The following SHOX variants were observed in gnomAD, a reference collection of about 807,000 sequenced individuals.
SHOX encodes short stature homeobox protein.
SHOX carries 12 observed loss-of-function variants against 29.6 expected under a neutral mutation model. The observed-to-expected ratio is 0.41, with a 90% CI of 0.26 to 0.66. The LOEUF is 0.66. Among genes scored for constraint, SHOX ranks in the 30% least tolerant of loss-of-function variants. The pLI, the probability that SHOX is intolerant of heterozygous loss-of-function variation, is 0.35. For missense variants in SHOX, 499 were observed against 437.7 expected (o/e 1.14, Z -1.25); for synonymous variants, 214 against 200.6 (o/e 1.07, Z -0.57).
Position 630,975 on chromosome X carries a change from C to A in SHOX, c.78C>A (p.Gly26=), listed in dbSNP as rs1174135553. 1 of 1,613,786 alleles carries A rather than the reference C, an allele frequency of 6.2e-7. No homozygotes were observed. Among genetic ancestry groups the A allele is most frequent in the South Asian group, 1.1e-5 (1 of 91,068 alleles). ...SKDGNGGGGG[G]GGKKDSITYR... ...ACGGTAACGGCGGAGGCGGAGGCGG[C>A]GGAGGTAAGAAGGATTCCATTACGT... Residue 26 remains glycine (G), a synonymous_variant, in exon 1 of 5, where the codon GGC becomes GGA. Transcript: ENST00000686671.
intron 4 of SHOX, 48 bp from the exon 5 acceptor site, chrX:644,343 C>T: frequency 6.7e-7 from 1 of 1,500,972 alleles, no homozygotes; most frequent in Non-Finnish European, 8.8e-7. Flanking sequence ...GGAGCAGGCC[C>T]CCCAGTCCCC....
upstream of SHOX, among the ~76,000 whole-genome samples, chrX:629,437 C>T (rs2124149100): frequency 6.6e-6 from 1 of 151,990 alleles, no homozygotes; most frequent in African/African-American, 2.4e-5. Context: ...GTCTCTTTCT[C>T]TGTCTCCATC....
intron 4 of SHOX, among the ~76,000 whole-genome samples, chrX:642,697 C>T (rs767909187): frequency 1.3e-5 from 2 of 152,326 alleles, no homozygotes; most frequent in South Asian, 4.1e-4. Context: ...GCACCGGAGT[C>T]TTGGGGACCT....
rs1569493100 is a variant in SHOX at position 630,856 on chromosome X, G to A, written c.-42G>A. On this transcript the variant is annotated 5_prime_UTR_variant, in exon 1 of 5. Transcript: ENST00000686671. ...GTCCTCTCCGCGCGGGGAGACGCGCGCATCCACCAGCCCCGGCTGCTCGCC... is the reference window on the plus strand; with the variant it reads ...GTCCTCTCCGCGCGGGGAGACGCGCACATCCACCAGCCCCGGCTGCTCGCC... 3 of 1,610,466 alleles carry A rather than the reference G, an allele frequency of 1.9e-6. No homozygotes were observed. The highest frequency in any genetic ancestry group is 2.5e-6 in the Non-Finnish European group (3 of 1,178,744).
At chrX:653,316 C>T (rs1435861018), downstream of SHOX, among the ~76,000 whole-genome samples, 1 of 152,134 alleles carries the variant, frequency 6.6e-6, no homozygotes, top group Non-Finnish European at 1.5e-5. Flanking sequence ...CAAATCCACT[C>T]CTATTGTTTT....
upstream of SHOX, among the ~76,000 whole-genome samples, chrX:627,313 A>ATT (rs2052555788): frequency 6.6e-6 from 1 of 152,082 alleles, no homozygotes; most frequent in African/African-American, 2.4e-5. Context: ...TCTCGTCTGG[A>ATT]TTTCTAACAT....
downstream of SHOX, among the ~76,000 whole-genome samples, chrX:655,612 CTCTA>C (rs2053134776): frequency 6.4e-5 from 1 of 15,690 alleles, no homozygotes; most frequent in Non-Finnish European, 1.1e-4. Flanking sequence ...CTCTCTCTCT[CTCTA>C]TATATATATA....
upstream of SHOX, among the ~76,000 whole-genome samples, chrX:626,236 C>T (rs753020811): frequency 5.3e-5 from 8 of 150,610 alleles, no homozygotes; most frequent in South Asian, 6.4e-4. Context: ...ATCTCTGTCT[C>T]TCTTTCTCTC....
intron 2 of SHOX, among the ~76,000 whole-genome samples, chrX:640,301 T>C (rs778436835): frequency 6.6e-6 from 1 of 151,234 alleles, no homozygotes; most frequent in East Asian, 2.0e-4. Flanking sequence ...GGCGAGATAG[T>C]GCCACTGCAG....
rs761980134 is a variant in SHOX, at chrX:644,741, C to A, written c.*105C>A. 1 of 1,320,804 alleles carries A rather than the reference C, an allele frequency of 7.6e-7. No individual in the cohort carries two copies. The highest frequency in any genetic ancestry group is 9.7e-7 in the Non-Finnish European group (1 of 1,035,976). 81.8% of individuals were successfully genotyped at this position (1,320,804 alleles called of 1,614,324 possible). A position where few individuals can be genotyped will look rare whatever the true frequency, so the allele number is the denominator to read the frequency against. On this transcript the variant is annotated 3_prime_UTR_variant, in exon 5 of 5. Transcript: ENST00000686671. ...CGCCTGGAGCTCCTTCCGCGGCCAC[C>A]GTGCTCCGGGCACCCCGGGAGCTCC... is the stretch of plus-strand genomic sequence containing the variant.
Position 656,804 on chromosome X carries a change from C to T in SHOX, c.634-1981C>T, listed in dbSNP as rs1409902009. ...CATGCAGTGAGTCGAGATCGCGCCA[C>T]TGCCCTCCAGCCTGGGCCACAGAGC... On this transcript the variant is annotated intron_variant, in intron 5 of 5. Coordinates refer to the SHOX transcript ENST00000334060. Among the ~76,000 whole-genome samples the T allele has an allele frequency of 1.3e-5, 2 of 149,826 alleles. 1 individual carries two copies. Among genetic ancestry groups the T allele is most frequent in the African/African-American group, 4.9e-5 (2 of 40,732 alleles).
downstream of SHOX, among the ~76,000 whole-genome samples, chrX:653,628 A>G: frequency 6.6e-6 from 1 of 152,264 alleles, no homozygotes. Flanking sequence ...CATTTAAAAA[A>G]AAAAAAATTA....
At chrX:632,006 C>A (rs781068865) in intron 1 of SHOX, 1 of 456,072 alleles carries the variant, frequency 2.2e-6, no homozygotes, top group Non-Finnish European at 4.4e-6. Context: ...CGGGAAGGCC[C>A]CGGGTCAGCT....
exon 6 of SHOX, chrX:659,259 T>C (rs1310567102): frequency 3.3e-5 from 5 of 151,884 alleles, no homozygotes; most frequent in African/African-American, 9.7e-5. Context: ...CTAATTTTTT[T>C]GATTTTTACT....
intron 2 of SHOX, 141 bp downstream of exon 2, chrX:634,967 G>T: frequency 1.1e-6 from 1 of 871,572 alleles, no homozygotes; most frequent in Non-Finnish European, 1.7e-6. Flanking sequence ...GGGACGGGCT[G>T]GGGTTCCTGG....
chrX:653,429 T>C (rs117303235), downstream of SHOX, among the ~76,000 whole-genome samples: 14,653 of 152,162 alleles, frequency 0.096, 1,359 homozygotes, highest in African/African-American at 0.25. Flanking sequence ...TTGAGAGATC[T>C]TTTCCCTTAG....
downstream of SHOX, among the ~76,000 whole-genome samples, chrX:654,316 C>T (rs1226882473): frequency 6.6e-6 from 1 of 151,560 alleles, no homozygotes; most frequent in Non-Finnish European, 1.5e-5. Context: ...GCACATTGTG[C>T]ACATGTACCC....
chrX:651,229 C>A lies in SHOX; in HGVS notation c.*6593C>A, dbSNP rs1260093334. The A allele has an allele frequency of 2.3e-6, 1 of 435,864 alleles. No individual in the cohort carries two copies. The highest frequency in any genetic ancestry group is 2.0e-5 in the African/African-American group (1 of 49,320). The allele number at this position is 435,864 out of a possible 1,614,324, so 27.0% of individuals were successfully genotyped here. On this transcript the variant is annotated 3_prime_UTR_variant, in exon 5 of 5. Coordinates refer to ENST00000686671, the MANE Select transcript of SHOX (RefSeq NM_000451.4). ...AAACTGTTGCTTTTTCTTTTTCCCTCCCCCATTGACGACATAGCGGCCCCC... is the reference window on the plus strand; with the variant it reads ...AAACTGTTGCTTTTTCTTTTTCCCTACCCCATTGACGACATAGCGGCCCCC...
chrX:651,562 A>C lies in SHOX; in HGVS notation c.*6926A>C, dbSNP rs2053064698. On this transcript the variant is annotated 3_prime_UTR_variant, in exon 5 of 5. Coordinates refer to ENST00000686671, the MANE Select transcript of SHOX (RefSeq NM_000451.4). The stretch of plus-strand genomic sequence containing the variant: ...TGTACATCTTGTAAAACTGAGATAT[A>C]AATAAACTTATAAATATTTGTATTC... The C allele has an allele frequency of 3.4e-6, 1 of 294,020 alleles. No individual in the cohort carries two copies. The highest frequency in any genetic ancestry group is 2.2e-5 in the African/African-American group (1 of 45,306). The allele number at this position is 294,020 out of a possible 1,614,324, so 18.2% of individuals were successfully genotyped here. A position where few individuals can be genotyped will look rare whatever the true frequency, so the allele number is the denominator to read the frequency against.
Sources: allele counts gnomAD v4.1 joint callset (sites outside exome capture counted in the v4.1 genomes callset), GRCh38; gene constraint gnomAD v4.1.1; transcripts MANE v1.5; gene names NCBI Gene and HGNC (gene_info 2026-07-23, HGNC 2026-07-21).